The following RPS6KC1 variants were observed in gnomAD, a reference collection of about 807,000 sequenced individuals.
RPS6KC1 encodes the protein ribosomal protein S6 kinase C1.
In RPS6KC1, 54 loss-of-function variants were observed where a neutral mutation model predicts 103.8. The ratio of observed to expected loss-of-function variants is 0.52; its 90% CI spans 0.42 to 0.65. The LOEUF (loss-of-function observed/expected upper bound fraction) is 0.65, where lower values mean the gene tolerates loss of function less well. Ranked by LOEUF, RPS6KC1 falls within the 30% of genes least tolerant of loss-of-function variation. RPS6KC1 has a pLI of 0.00. For missense variants in RPS6KC1, 1,151 were observed against 1,253.8 expected (o/e 0.92, Z 1.24); for synonymous variants, 439 against 438.7 (o/e 1.00, Z -0.01).
the RPS6KC1 span, among the ~76,000 whole-genome samples, chr1:213,475,620 C>G: frequency 1.4e-4 from 21 of 152,124 alleles, no homozygotes; most frequent in Non-Finnish European, 1.5e-5. Flanking sequence ...CCCGCTGCCT[C>G]TCCCTCAGTC....
the RPS6KC1 span, among the ~76,000 whole-genome samples, chr1:213,720,123 G>A: frequency 5.3e-5 from 8 of 152,292 alleles, no homozygotes; most frequent in South Asian, 8.3e-4. Flanking sequence ...GATCAAAGTC[G>A]TGGTGAGGAG....
At chr1:213,529,049 A>G in the RPS6KC1 span, among the ~76,000 whole-genome samples, 6 of 152,338 alleles carry the variant, frequency 3.9e-5, no homozygotes, top group Admixed American at 3.3e-4. Flanking sequence ...AACCTCATCC[A>G]TGAGCAAAAT....
chr1:213,453,628 G>A, the RPS6KC1 span, among the ~76,000 whole-genome samples: 9 of 152,320 alleles, frequency 5.9e-5, no homozygotes, highest in South Asian at 1.0e-3. Flanking sequence ...GTCAGAGGCC[G>A]GAGGTTCAGG....
At chr1:213,755,617 G>T in the RPS6KC1 span, among the ~76,000 whole-genome samples, 1 of 152,186 alleles carries the variant, frequency 6.6e-6, no homozygotes, top group African/African-American at 2.4e-5. Flanking sequence ...GGGGCCCAAA[G>T]CCTTGGACAG....
chr1:213,853,446 C>A, the RPS6KC1 span, among the ~76,000 whole-genome samples: 1 of 152,274 alleles, frequency 6.6e-6, no homozygotes. Flanking sequence ...TGCTGCTATC[C>A]AGAACAATGT....
chr1:213,787,883 A>G, the RPS6KC1 span, among the ~76,000 whole-genome samples: 1 of 152,152 alleles, frequency 6.6e-6, no homozygotes, highest in Admixed American at 6.6e-5. Flanking sequence ...GTGGGGTGGA[A>G]CTGATCTTTG....
chr1:213,723,056 T>TG, the RPS6KC1 span, among the ~76,000 whole-genome samples: 1 of 152,118 alleles, frequency 6.6e-6, no homozygotes, highest in Non-Finnish European at 1.5e-5. Context: ...GGCAGGTGCC[T>TG]GTAGTCCCAG....
the RPS6KC1 span, among the ~76,000 whole-genome samples, chr1:213,718,612 T>C: frequency 6.6e-6 from 1 of 152,236 alleles, no homozygotes; most frequent in Non-Finnish European, 1.5e-5. Context: ...TTTCTCCATT[T>C]TTCCAAAGGG....
the RPS6KC1 span, among the ~76,000 whole-genome samples, chr1:213,799,612 G>A: frequency 7.9e-5 from 12 of 152,320 alleles, no homozygotes; most frequent in East Asian, 1.9e-4. Context: ...TTCTGGAAGC[G>A]GGAATCCGCA....
chr1:213,738,837 A>AAAATAAATAAAT, the RPS6KC1 span, among the ~76,000 whole-genome samples: 1,219 of 143,440 alleles, frequency 8.5e-3, 15 homozygotes, highest in African/African-American at 0.028. Context: ...TCTACTCTAA[A>AAAATAAATAAAT]AAATAAATAA....
At chr1:213,495,299 T>C in the RPS6KC1 span, among the ~76,000 whole-genome samples, 2 of 152,116 alleles carry the variant, frequency 1.3e-5, no homozygotes, top group Admixed American at 6.5e-5. Flanking sequence ...AAGTGTGCTC[T>C]TCTAATATGC....
the RPS6KC1 span, among the ~76,000 whole-genome samples, chr1:213,315,720 GC>G: frequency 2.0e-5 from 3 of 152,166 alleles, no homozygotes; most frequent in Non-Finnish European, 4.4e-5. Context: ...ATTCCTTGCT[GC>G]CCCCCACGGG....
the RPS6KC1 span, among the ~76,000 whole-genome samples, chr1:213,520,765 T>C: frequency 1.3e-5 from 2 of 152,178 alleles, no homozygotes; most frequent in Non-Finnish European, 2.9e-5. Flanking sequence ...AACCTAGGGA[T>C]TCATTTAGGT....
rs1012067608 is a variant in RPS6KC1, at chr1:213,225,959, C to T, written c.1045-4538C>T. ...CTCATGTAAGCTGGGTGTGGTGGCT[C>T]ATGCCTGTAATCCCAGCACTTTGGG... On this transcript the variant is annotated intron_variant, in intron 8 of 14. Transcript: ENST00000366960. 2.2e-4 allele frequency among the ~76,000 whole-genome samples: 34 copies of T among 151,168 alleles called. 1 individual carries two copies. Among genetic ancestry groups the T allele is most frequent in the Admixed American group, 2.0e-3 (31 of 15,196 alleles).
chr1:213,311,833 C>T, the RPS6KC1 span, among the ~76,000 whole-genome samples: 17 of 151,488 alleles, frequency 1.1e-4, no homozygotes, highest in Non-Finnish European at 2.4e-4. Context: ...ATGGGGAACT[C>T]AGCCCAAAGT....
the RPS6KC1 span, among the ~76,000 whole-genome samples, chr1:213,834,379 G>A: frequency 1.3e-5 from 2 of 152,146 alleles, no homozygotes; most frequent in Non-Finnish European, 2.9e-5. Flanking sequence ...GACAAGTAGA[G>A]CCCTAACTCC....
At chr1:213,743,984 T>C in the RPS6KC1 span, among the ~76,000 whole-genome samples, 1 of 152,180 alleles carries the variant, frequency 6.6e-6, no homozygotes, top group Non-Finnish European at 1.5e-5. Context: ...CACTGCAATC[T>C]GGATGGAGTT....
the RPS6KC1 span, among the ~76,000 whole-genome samples, chr1:213,858,143 A>G: frequency 0.085 from 12,911 of 152,234 alleles, 1,840 homozygotes; most frequent in African/African-American, 0.29. Flanking sequence ...TAATGATAAT[A>G]ATTGTAATAA....
chr1:213,667,828 G>A, the RPS6KC1 span, among the ~76,000 whole-genome samples: 3 of 152,160 alleles, frequency 2.0e-5, no homozygotes, highest in African/African-American at 7.2e-5. Flanking sequence ...TTTTAACAAT[G>A]TTCATAGCAT....
Sources: gnomAD v4.1 joint callset for allele counts (sites outside exome capture counted in the v4.1 genomes callset) on GRCh38, gnomAD v4.1.1 for gene constraint, MANE v1.5 for transcripts, NCBI Gene and HGNC (gene_info 2026-07-23, HGNC 2026-07-21) for gene names.